PPARGC1A: variants seen among roughly 807,000 people sequenced by gnomAD.
The protein encoded by PPARGC1A is PPARG coactivator 1 alpha.
A neutral mutation model predicts 88.7 loss-of-function variants in PPARGC1A; 25 were observed. The observed-to-expected ratio is 0.28, with a 90% CI of 0.21 to 0.39. The LOEUF is 0.39. PPARGC1A is among the 10% of genes least tolerant of loss of function. The probability of loss-of-function intolerance (pLI) is 1.00; values close to 1 mark genes in which losing one functional copy is unlikely to be tolerated. For synonymous variants in PPARGC1A, 363 were observed against 355.6 expected, an observed-to-expected ratio of 1.02 and a Z score of -0.24; for missense variants, 880 against 968.7, an observed-to-expected ratio of 0.91 and a Z score of 1.22.
chr4:24,128,201 A>C, the PPARGC1A span, among the ~76,000 whole-genome samples: 2 of 151,752 alleles, frequency 1.3e-5, no homozygotes, highest in African/African-American at 4.8e-5. Context: ...TGCATTATAC[A>C]CTCGTCCTGG....
chr4:24,155,091 T>A, the PPARGC1A span, among the ~76,000 whole-genome samples: 1 of 151,300 alleles, frequency 6.6e-6, no homozygotes, highest in South Asian at 2.1e-4. Context: ...ATGGTTGGCC[T>A]TATGTGACTT....
the PPARGC1A span, among the ~76,000 whole-genome samples, chr4:24,163,606 C>A: frequency 6.6e-5 from 10 of 152,236 alleles, no homozygotes; most frequent in South Asian, 2.1e-3. Flanking sequence ...AGTTATTTGA[C>A]TAATAGCGAT....
At chr4:23,874,535 G>T in intron 2 of PPARGC1A, among the ~76,000 whole-genome samples, 1 of 151,168 alleles carries the variant, frequency 6.6e-6, no homozygotes, top group East Asian at 2.0e-4. Flanking sequence ...ACCCTTCTAT[G>T]GCAAAGATCA....
At chr4:23,982,392 A>T in the PPARGC1A span, among the ~76,000 whole-genome samples, 56 of 152,214 alleles carry the variant, frequency 3.7e-4, no homozygotes, top group Admixed American at 9.8e-4. Context: ...CAGCCAGTGG[A>T]GCGAAAAATA....
the PPARGC1A span, among the ~76,000 whole-genome samples, chr4:24,211,247 A>C: frequency 6.6e-6 from 1 of 152,208 alleles, no homozygotes; most frequent in Non-Finnish European, 1.5e-5. Context: ...CTGAAATTCA[A>C]AGATATTAAG....
the PPARGC1A span, among the ~76,000 whole-genome samples, chr4:24,431,613 G>T: frequency 6.6e-6 from 1 of 152,150 alleles, no homozygotes; most frequent in Non-Finnish European, 1.5e-5. Context: ...AAAGACCGTC[G>T]AATGTGCTGG....
At chr4:24,449,308 T>C in the PPARGC1A span, among the ~76,000 whole-genome samples, 1 of 152,210 alleles carries the variant, frequency 6.6e-6, no homozygotes, top group Non-Finnish European at 1.5e-5. Context: ...CTTTCTCTGA[T>C]GCAAACCCTG....
chr4:24,007,602 C>A, the PPARGC1A span, among the ~76,000 whole-genome samples: 1 of 152,060 alleles, frequency 6.6e-6, no homozygotes, highest in Non-Finnish European at 1.5e-5. Flanking sequence ...AATTTAGGAT[C>A]CAAAGGTTTT....
chr4:24,354,706 A>G, the PPARGC1A span, among the ~76,000 whole-genome samples: 2,864 of 152,124 alleles, frequency 0.019, 43 homozygotes, highest in Middle Eastern at 0.058. Context: ...CTAACATGGT[A>G]AAACCCCGTC....
chr4:24,307,376 A>ATTAAATT, the PPARGC1A span, among the ~76,000 whole-genome samples: 1 of 152,240 alleles, frequency 6.6e-6, no homozygotes, highest in Non-Finnish European at 1.5e-5. Flanking sequence ...ATATTGCAAA[A>ATTAAATT]TTAAATTTTG....
At chr4:24,001,382 A>G in the PPARGC1A span, among the ~76,000 whole-genome samples, 4 of 152,302 alleles carry the variant, frequency 2.6e-5, 1 homozygote, top group South Asian at 8.3e-4. Context: ...AAGCTCTCCT[A>G]CCGAACTATA....
chr4:24,102,828 A>G, the PPARGC1A span, among the ~76,000 whole-genome samples: 1 of 152,188 alleles, frequency 6.6e-6, no homozygotes, highest in Non-Finnish European at 1.5e-5. Context: ...TGGAGCACAG[A>G]TACAACACTT....
At chr4:24,393,013 G>GCACACACACA in the PPARGC1A span, among the ~76,000 whole-genome samples, 41 of 146,098 alleles carry the variant, frequency 2.8e-4, no homozygotes, top group African/African-American at 1.1e-3. Context: ...TGCTCCATCA[G>GCACACACACA]CACACACACA....
the PPARGC1A span, among the ~76,000 whole-genome samples, chr4:24,240,667 C>T: frequency 1.3e-5 from 2 of 152,114 alleles, no homozygotes; most frequent in Admixed American, 1.3e-4. Flanking sequence ...CATGTATTTG[C>T]TAATATCATC....
intron 2 of PPARGC1A, among the ~76,000 whole-genome samples, chr4:23,881,501 T>C (rs995011652): frequency 2.0e-5 from 3 of 152,184 alleles, no homozygotes; most frequent in Non-Finnish European, 4.4e-5. Flanking sequence ...AAATTAAACT[T>C]AGATTCAAAC....
chr4:24,245,925 G>GCACACA, the PPARGC1A span, among the ~76,000 whole-genome samples: 10,280 of 148,344 alleles, frequency 0.069, 435 homozygotes, highest in East Asian at 0.14. Context: ...AAAGCCATGT[G>GCACACA]CACACACACA....
the PPARGC1A span, among the ~76,000 whole-genome samples, chr4:24,337,837 C>T: frequency 6.6e-6 from 1 of 152,154 alleles, no homozygotes. Flanking sequence ...CTCCATCAGC[C>T]CAAATAAGGT....
intron 10 of PPARGC1A, among the ~76,000 whole-genome samples, chr4:23,804,996 T>C (rs530703793): frequency 1.3e-5 from 2 of 152,316 alleles, no homozygotes; most frequent in South Asian, 4.1e-4. Flanking sequence ...AAAAGCTTCA[T>C]GACAGTAGAG....
chr4:24,236,713 G>A, the PPARGC1A span, among the ~76,000 whole-genome samples: 4 of 152,128 alleles, frequency 2.6e-5, no homozygotes, highest in Non-Finnish European at 4.4e-5. Flanking sequence ...AACACACAGT[G>A]TTCTTTAAAT....
Sources: allele counts gnomAD v4.1 joint callset (sites outside exome capture counted in the v4.1 genomes callset), GRCh38; gene constraint gnomAD v4.1.1; transcripts MANE v1.5; gene names NCBI Gene and HGNC (gene_info 2026-07-23, HGNC 2026-07-21).